Variants in RPS6KA2 observed in about 807,000 individuals in gnomAD.
The protein encoded by RPS6KA2 is ribosomal protein S6 kinase alpha-2.
RPS6KA2 carries 42 observed loss-of-function variants against 91.8 expected under a neutral mutation model. That is an observed-to-expected ratio of 0.46 (90% CI 0.36 to 0.59). The LOEUF is 0.59. RPS6KA2 is among the 20% of genes least tolerant of loss of function. RPS6KA2 has a pLI of 0.00. For synonymous variants in RPS6KA2, 414 were observed against 393.6 expected (o/e 1.05, Z -0.61); for missense variants, 798 against 978.5 (o/e 0.82, Z 2.46).
At position 166,675,128 on chromosome 6, in the gene RPS6KA2, A is replaced by G. The variant is rs1788581671; in HGVS notation, c.124-136344T>C. On this transcript the variant is annotated intron_variant, in intron 2 of 21. Coordinates refer to the RPS6KA2 transcript ENST00000503859. ...GTGCCATGGCCAGGGCTTTCTGCAT[A>G]GGGATCCTCTGCCCAGCTTGCCAGC... Among the ~76,000 whole-genome samples the G allele has an allele frequency of 2.6e-5, 4 of 152,180 alleles. No homozygotes were observed. The South Asian group carries it at 8.3e-4, about 31-fold the overall frequency.
chr6:166,688,472 C>T (rs927617139), intron 2 of RPS6KA2, among the ~76,000 whole-genome samples: 1 of 152,206 alleles, frequency 6.6e-6, no homozygotes, highest in Admixed American at 6.5e-5. Context: ...GCTGGGTTCA[C>T]AAGTCAGGAC....
chr6:166,816,270 G>T (rs1483633760), intron 2 of RPS6KA2, among the ~76,000 whole-genome samples: 76 of 152,144 alleles, frequency 5.0e-4, no homozygotes, highest in Non-Finnish European at 4.4e-5. Flanking sequence ...CTATGGTCAG[G>T]TGTGGCGGCT....
chr6:166,740,263 T>C (rs1460325949), intron 2 of RPS6KA2, among the ~76,000 whole-genome samples: 2 of 152,242 alleles, frequency 1.3e-5, no homozygotes, highest in African/African-American at 2.4e-5. Context: ...TGATTCAAAA[T>C]GAACAAGCTG....
At chr6:166,710,148 T>C (rs551367989) in intron 2 of RPS6KA2, among the ~76,000 whole-genome samples, 1 of 152,338 alleles carries the variant, frequency 6.6e-6, no homozygotes, top group South Asian at 2.1e-4. Context: ...TGTAAGTATA[T>C]GTGTATGTCA....
chr6:166,551,614 T>C (rs1784025070), intron 1 of RPS6KA2, among the ~76,000 whole-genome samples: 1 of 152,214 alleles, frequency 6.6e-6, no homozygotes, highest in Non-Finnish European at 1.5e-5. Flanking sequence ...AAGGAGTTCA[T>C]TAAATAGCCA....
At chr6:166,510,909 G>T (rs28402141) in intron 3 of RPS6KA2, among the ~76,000 whole-genome samples, 2,753 of 151,934 alleles carry the variant, frequency 0.018, 96 homozygotes, top group African/African-American at 0.063. Flanking sequence ...GTATTTTTTC[G>T]TGGACTTTTT....
At position 166,508,442 on chromosome 6, in the gene RPS6KA2, C is replaced by T. The variant is rs1281208931; in HGVS notation, c.380-160G>A. 1.3e-5 allele frequency among the ~76,000 whole-genome samples: 2 copies of T among 150,034 alleles called. No homozygotes were observed. Among genetic ancestry groups the T allele is most frequent in the Admixed American group, 6.7e-5 (1 of 14,966 alleles). ...TGGTGACCAGCTCAGAGGGGCAGCA[C>T]CCGGCAGAGGGGGTCTGACACTGTG... is the stretch of plus-strand genomic sequence containing the variant. On this transcript the variant is annotated intron_variant, in intron 4 of 20. Transcript: ENST00000265678. The surrounding 1 kb of genome is among the most constrained non-coding windows in gnomAD (Gnocchi z 4.3).
intron 2 of RPS6KA2, among the ~76,000 whole-genome samples, chr6:166,844,336 T>C (rs1048037705): frequency 1.3e-5 from 2 of 152,104 alleles, no homozygotes; most frequent in Non-Finnish European, 2.9e-5. Flanking sequence ...TCTAAAAGTC[T>C]GGAAAACATT....
Position 166,825,231 on chromosome 6 carries a change from G to A in RPS6KA2, c.123+32969C>T, listed in dbSNP as rs1780023164. ...GATGCTGAGGGGAGGGGGCAAAGGG[G>A]AGTGATCCCATGAGTCCCGAGAATA... is the stretch of plus-strand genomic sequence containing the variant. On this transcript the variant is annotated intron_variant, in intron 2 of 21. Transcript: ENST00000503859. This position sits in a 1 kb window ranked among gnomAD's most constrained non-coding sequence, Gnocchi z 4.1. Among the ~76,000 whole-genome samples the A allele has an allele frequency of 6.6e-6, 1 of 152,270 alleles. No individual in the cohort carries two copies. Among genetic ancestry groups the A allele is most frequent in the South Asian group, 2.1e-4 (1 of 4,832 alleles).
chr6:166,836,980 C>A (rs958605164), intron 2 of RPS6KA2, among the ~76,000 whole-genome samples: 1 of 152,186 alleles, frequency 6.6e-6, no homozygotes, highest in Admixed American at 6.5e-5. Context: ...CTGAGCTTCT[C>A]TTGGGACCTG....
chr6:166,862,187 T>G (rs141295449), exon 1 of RPS6KA2: 1 of 1,614,116 alleles, frequency 6.2e-7, no homozygotes, highest in East Asian at 2.2e-5. Flanking sequence ...ACTTTCCTTT[T>G]CTGCTGGTCG....
Position 166,501,494 on chromosome 6 carries a change from G to A in RPS6KA2, c.567-570C>T, listed in dbSNP as rs369774097. ...ACATCTTGTGATGAGACCTGCTCCC[G>A]GCTTGGCACCCCTGCGGGCCACTGG... On this transcript the variant is annotated intron_variant, in intron 6 of 20. Transcript: ENST00000265678. Among the ~76,000 whole-genome samples the A allele has an allele frequency of 3.5e-4, 53 of 152,312 alleles. 2 individuals are homozygous for A. The East Asian group carries it at 4.3e-3, about 12-fold the overall frequency.
chr6:166,422,694 G>A (rs953995205), intron 17 of RPS6KA2, among the ~76,000 whole-genome samples: 1 of 152,198 alleles, frequency 6.6e-6, no homozygotes, highest in African/African-American at 2.4e-5. Flanking sequence ...CCTGCTAGCT[G>A]CTCCGAGCGG....
At chr6:166,444,672 G>A (rs574723535) in intron 14 of RPS6KA2, among the ~76,000 whole-genome samples, 19 of 152,296 alleles carry the variant, frequency 1.2e-4, no homozygotes, top group Non-Finnish European at 1.2e-4. Flanking sequence ...GCCCGAGGCC[G>A]GACTGCCCCA....
rs1780213204 is a variant in RPS6KA2, at chr6:166,459,739, T to C, written c.973-188A>G. On this transcript the variant is annotated intron_variant, in intron 11 of 20. Coordinates refer to ENST00000265678, the MANE Select transcript of RPS6KA2 (RefSeq NM_021135.6). This position sits in a 1 kb window ranked among gnomAD's most constrained non-coding sequence, Gnocchi z 4.9. ...ATGGCATAAAATATATTATGTGTAG[T>C]ATGATAGATACTATGGCATATATAA... 1.3e-5 allele frequency among the ~76,000 whole-genome samples: 2 copies of C among 152,234 alleles called. No individual in the cohort carries two copies. The highest frequency in any genetic ancestry group is 4.8e-5 in the African/African-American group (2 of 41,464).
At chr6:166,543,776 C>G (rs369079945) in intron 1 of RPS6KA2, among the ~76,000 whole-genome samples, 1 of 152,238 alleles carries the variant, frequency 6.6e-6, no homozygotes, top group African/African-American at 2.4e-5. Context: ...CCCAGAGGTC[C>G]AGTTCTAGAG....
At chr6:166,668,756 T>C (rs941101828) in intron 2 of RPS6KA2, among the ~76,000 whole-genome samples, 1 of 152,178 alleles carries the variant, frequency 6.6e-6, no homozygotes, top group Non-Finnish European at 1.5e-5. Context: ...CTGGTTCCAA[T>C]AGCTTTTGCC....
chr6:166,647,990 G>GCA (rs1787697176), intron 2 of RPS6KA2, among the ~76,000 whole-genome samples: 1 of 81,524 alleles, frequency 1.2e-5, no homozygotes, highest in Non-Finnish European at 2.3e-5. Flanking sequence ...TCACACACAC[G>GCA]CACATGCTCA....
chr6:166,497,217 T>C (rs1483740371), intron 8 of RPS6KA2, among the ~76,000 whole-genome samples: 3 of 152,142 alleles, frequency 2.0e-5, no homozygotes, highest in African/African-American at 2.4e-5. Context: ...GTCTGAATAA[T>C]AGTAAAAAAT....
Sources: allele counts gnomAD v4.1 joint callset (sites outside exome capture counted in the v4.1 genomes callset), GRCh38; gene constraint gnomAD v4.1.1; non-coding constraint Gnocchi (gnomAD v3.1); transcripts MANE v1.5; gene names NCBI Gene and HGNC (gene_info 2026-07-23, HGNC 2026-07-21).